SH3GL2: variants seen among roughly 807,000 people sequenced by gnomAD.
The protein encoded by SH3GL2 is endophilin-A1.
Under a neutral mutation model 46.0 loss-of-function variants are expected in SH3GL2, and 24 were observed. The observed-to-expected ratio is 0.52, with a 90% CI of 0.38 to 0.73. The LOEUF (loss-of-function observed/expected upper bound fraction) is 0.73, where lower values mean the gene tolerates loss of function less well. Among genes scored for constraint, SH3GL2 ranks in the 30% least tolerant of loss-of-function variants. The pLI is 0.00. For missense variants in SH3GL2, 413 were observed against 424.2 expected (o/e 0.97, Z 0.23); for synonymous variants, 196 against 147.1 (o/e 1.33, Z -2.40).
chr9:17,719,945 TTTC>T (rs1192658777), intron 1 of SH3GL2, among the ~76,000 whole-genome samples: 1 of 149,972 alleles, frequency 6.7e-6, no homozygotes, highest in African/African-American at 2.5e-5. Context: ...ATAAGTAGAA[TTTC>T]TTTTTATTTC....
intron 1 of SH3GL2, among the ~76,000 whole-genome samples, chr9:17,712,144 A>G (rs1328156255): frequency 1.3e-5 from 2 of 151,230 alleles, no homozygotes; most frequent in Non-Finnish European, 3.0e-5. Context: ...TCTGTTCCTC[A>G]TTTCTCTATT....
At chr9:17,708,084 G>T (rs1451021503) in intron 1 of SH3GL2, among the ~76,000 whole-genome samples, 1 of 152,024 alleles carries the variant, frequency 6.6e-6, no homozygotes, top group Non-Finnish European at 1.5e-5. Flanking sequence ...TTTTGATTCA[G>T]TGTTGCCCTG....
intron 1 of SH3GL2, among the ~76,000 whole-genome samples, chr9:17,642,971 C>G (rs1194425191): frequency 1.3e-5 from 2 of 152,154 alleles, no homozygotes; most frequent in East Asian, 3.8e-4. Context: ...CTATAAATTA[C>G]TTTGGGCAGT....
At chr9:17,678,051 CA>C (rs1383388703) in intron 1 of SH3GL2, among the ~76,000 whole-genome samples, 1 of 152,118 alleles carries the variant, frequency 6.6e-6, no homozygotes, top group Non-Finnish European at 1.5e-5. Context: ...GGGTTGGTTC[CA>C]AGTCTTTGCT....
intron 1 of SH3GL2, among the ~76,000 whole-genome samples, chr9:17,610,940 A>G (rs372969127): frequency 6.6e-6 from 1 of 152,168 alleles, no homozygotes; most frequent in East Asian, 1.9e-4. Flanking sequence ...GAAAAATTAC[A>G]GTCTGAATAT....
At chr9:17,749,829 C>T (rs1464722546) in intron 2 of SH3GL2, among the ~76,000 whole-genome samples, 1 of 152,148 alleles carries the variant, frequency 6.6e-6, no homozygotes, top group African/African-American at 2.4e-5. Context: ...ACAGACCTTC[C>T]TCTGAGTATG....
At chr9:17,775,893 C>T (rs886687266) in intron 3 of SH3GL2, among the ~76,000 whole-genome samples, 1 of 152,124 alleles carries the variant, frequency 6.6e-6, no homozygotes, top group Non-Finnish European at 1.5e-5. Context: ...GTTGGATTCT[C>T]TTCTTCCCTG....
intron 1 of SH3GL2, among the ~76,000 whole-genome samples, chr9:17,731,865 C>G (rs917382002): frequency 6.6e-6 from 1 of 152,138 alleles, no homozygotes; most frequent in Non-Finnish European, 1.5e-5. Flanking sequence ...CTATTTACCC[C>G]CTGGGCTTTT....
At chr9:17,747,678 T>A (rs1192360619) in intron 2 of SH3GL2, among the ~76,000 whole-genome samples, 1 of 152,036 alleles carries the variant, frequency 6.6e-6, no homozygotes, top group East Asian at 1.9e-4. Context: ...TTATTATTAT[T>A]GTTATTATTT....
chr9:17,606,968 A>G (rs1818770947), intron 1 of SH3GL2, among the ~76,000 whole-genome samples: 1 of 152,200 alleles, frequency 6.6e-6, no homozygotes, highest in Admixed American at 6.5e-5. Flanking sequence ...CTGTAAACAC[A>G]CAGTGATTCA....
At chr9:17,677,774 C>A (rs915023967) in intron 1 of SH3GL2, among the ~76,000 whole-genome samples, 3 of 151,944 alleles carry the variant, frequency 2.0e-5, no homozygotes, top group Admixed American at 1.3e-4. Context: ...TGCTATCCCT[C>A]CTACCTCCCC....
chr9:17,744,063 A>G (rs1389623016), intron 1 of SH3GL2, among the ~76,000 whole-genome samples: 1 of 152,214 alleles, frequency 6.6e-6, no homozygotes, highest in African/African-American at 2.4e-5. Context: ...ACAGCCATGT[A>G]GAATGGAGAC....
At chr9:17,738,639 T>TAG (rs1245134748) in intron 1 of SH3GL2, among the ~76,000 whole-genome samples, 1 of 66,780 alleles carries the variant, frequency 1.5e-5, no homozygotes, top group Admixed American at 1.4e-4. Context: ...TATATATATA[T>TAG]ATAGAGAGAG....
At chr9:17,710,323 A>G (rs1821584652) in intron 1 of SH3GL2, among the ~76,000 whole-genome samples, 2 of 151,858 alleles carry the variant, frequency 1.3e-5, no homozygotes, top group Admixed American at 1.3e-4. Context: ...AGTCAATTAA[A>G]CCTCTTTCCT....
In SH3GL2 at chr9:17,732,430, T is replaced by TTG. The variant is rs562026817; in HGVS notation, c.46-14634_46-14633dup. 4.6e-5 allele frequency among the ~76,000 whole-genome samples: 7 copies of TTG among 152,280 alleles called. No individual in the cohort carries two copies. The East Asian group carries it at 1.4e-3, about 30-fold the overall frequency. On this transcript the variant is annotated intron_variant, in intron 1 of 8. Transcript: ENST00000380607. The stretch of plus-strand genomic sequence containing the variant: ...GTTGGTATACTGTTCCACTGCCTCC[T>TTG]TGTCTGTTAATGTATTCTGGAGCAT...
At chr9:17,727,565 C>A (rs1338771080) in intron 1 of SH3GL2, among the ~76,000 whole-genome samples, 1 of 152,142 alleles carries the variant, frequency 6.6e-6, no homozygotes, top group Non-Finnish European at 1.5e-5. Flanking sequence ...CTTTCCTGCC[C>A]CAGGAGTTAT....
intron 1 of SH3GL2, among the ~76,000 whole-genome samples, chr9:17,678,148 C>A (rs2118017807): frequency 6.6e-6 from 1 of 152,108 alleles, no homozygotes; most frequent in East Asian, 1.9e-4. Flanking sequence ...GGGTATATAC[C>A]CAGTAATGGG....
At chr9:17,606,284 G>A (rs1818760220) in intron 1 of SH3GL2, among the ~76,000 whole-genome samples, 1 of 152,098 alleles carries the variant, frequency 6.6e-6, no homozygotes, top group Non-Finnish European at 1.5e-5. Context: ...ATAGAGACGA[G>A]GTTTCACCAT....
At chr9:17,620,571 C>T (rs1819115256) in intron 1 of SH3GL2, among the ~76,000 whole-genome samples, 1 of 152,136 alleles carries the variant, frequency 6.6e-6, no homozygotes, top group Non-Finnish European at 1.5e-5. Context: ...GAAGGGCAGA[C>T]AGAAGAGGGT....
Sources: allele counts gnomAD v4.1 joint callset (sites outside exome capture counted in the v4.1 genomes callset), GRCh38; gene constraint gnomAD v4.1.1; transcripts MANE v1.5; gene names NCBI Gene and HGNC (gene_info 2026-07-23, HGNC 2026-07-21).